The following GNG4 variants were observed in gnomAD, a reference collection of about 807,000 sequenced individuals.
GNG4 encodes the protein guanine nucleotide-binding protein G(I)/G(S)/G(O) subunit gamma-4.
GNG4 carries 4 observed loss-of-function variants against 5.8 expected under a neutral mutation model. The ratio of observed to expected loss-of-function variants is 0.69; its 90% CI spans 0.34 to 1.57. GNG4 has a LOEUF of 1.57. Ranked by LOEUF, GNG4 falls within the 40% of genes most tolerant of loss-of-function variation. GNG4 has a pLI of 0.06. For missense variants in GNG4, 96 were observed against 95.1 expected (o/e 1.01, Z -0.04); for synonymous variants, 29 against 32.9 (o/e 0.88, Z 0.41).
chr1:235,581,401 C>T lies in GNG4; in HGVS notation c.99+2339G>A, dbSNP rs367991154. On this transcript the variant is annotated intron_variant, in intron 3 of 3. Coordinates refer to ENST00000391854, the MANE Select transcript of GNG4 (RefSeq NM_001098722.2). ...AAAATTAGCCGGGCGTGGTGGTGGGCGCCTGTAGTCCCAGCTACTCGGGAG... is the reference window on the plus strand; with the variant it reads ...AAAATTAGCCGGGCGTGGTGGTGGGTGCCTGTAGTCCCAGCTACTCGGGAG... 1.5e-4 allele frequency among the ~76,000 whole-genome samples: 22 copies of T among 151,714 alleles called. No individual in the cohort carries two copies. In the East Asian group the frequency reaches 2.0e-3, roughly 13 times the overall value.
At chr1:235,601,008 A>C (rs571826488) in intron 1 of GNG4, among the ~76,000 whole-genome samples, 1 of 152,368 alleles carries the variant, frequency 6.6e-6, no homozygotes, top group South Asian at 2.1e-4. Flanking sequence ...CTGAGGCTTC[A>C]ACAGAGACTT....
intron 3 of GNG4, among the ~76,000 whole-genome samples, chr1:235,562,591 G>C (rs920948443): frequency 6.9e-6 from 1 of 145,030 alleles, no homozygotes; most frequent in African/African-American, 2.6e-5. Context: ...GTTGCAGAGA[G>C]CCAAGATGGC....
chr1:235,635,733 C>T (rs569928868), intron 1 of GNG4, among the ~76,000 whole-genome samples: 16 of 152,208 alleles, frequency 1.1e-4, no homozygotes, highest in South Asian at 8.3e-4. Context: ...CAGTATCTGT[C>T]GCCACAGAAG....
intron 2 of GNG4, among the ~76,000 whole-genome samples, chr1:235,588,230 T>A (rs71532015): frequency 0.71 from 107,195 of 151,310 alleles, 39,657 homozygotes; most frequent in African/African-American, 0.92. Context: ...TGTTGTGCGC[T>A]GGAGATAAAA....
intron 1 of GNG4, among the ~76,000 whole-genome samples, chr1:235,627,381 C>T (rs906190804): frequency 6.6e-6 from 1 of 152,004 alleles, no homozygotes; most frequent in Non-Finnish European, 1.5e-5. Context: ...CGCCACCATG[C>T]CCAGCTAATT....
intron 1 of GNG4, among the ~76,000 whole-genome samples, chr1:235,618,436 G>A (rs902028172): frequency 5.3e-5 from 8 of 152,166 alleles, no homozygotes; most frequent in Admixed American, 3.9e-4. Flanking sequence ...CAGAACTCTG[G>A]CTTCAAGGAA....
intron 1 of GNG4, among the ~76,000 whole-genome samples, chr1:235,627,230 T>C (rs1688834865): frequency 6.6e-6 from 1 of 151,922 alleles, no homozygotes; most frequent in Non-Finnish European, 1.5e-5. Context: ...TTTGTTTGTT[T>C]TTGTTTTTTT....
chr1:235,632,711 G>T (rs1301625708), intron 1 of GNG4, among the ~76,000 whole-genome samples: 1 of 152,100 alleles, frequency 6.6e-6, no homozygotes, highest in Non-Finnish European at 1.5e-5. Flanking sequence ...TGCCTCAGCT[G>T]GGAACAAAAC....
intron 3 of GNG4, among the ~76,000 whole-genome samples, chr1:235,582,229 T>C (rs958665896): frequency 6.6e-6 from 1 of 152,240 alleles, no homozygotes; most frequent in African/African-American, 2.4e-5. Context: ...CGTCTATTGC[T>C]TACAGGTTGG....
intron 1 of GNG4, among the ~76,000 whole-genome samples, chr1:235,619,126 C>T (rs1289835696): frequency 1.0e-5 from 1 of 99,018 alleles, no homozygotes; most frequent in Non-Finnish European, 1.9e-5. Context: ...ATTGCAAACG[C>T]TGTCTCTAAA....
intron 1 of GNG4, among the ~76,000 whole-genome samples, chr1:235,619,140 A>C (rs1445899645): frequency 7.5e-6 from 1 of 133,710 alleles, no homozygotes; most frequent in East Asian, 2.2e-4. Context: ...CTCTAAAAAA[A>C]AAAAAAAAAA....
chr1:235,619,646 A>C (rs909534499), intron 1 of GNG4, among the ~76,000 whole-genome samples: 2 of 152,186 alleles, frequency 1.3e-5, no homozygotes, highest in African/African-American at 4.8e-5. Context: ...TTAACCAAAA[A>C]CCAATTCCTT....
intron 3 of GNG4, among the ~76,000 whole-genome samples, chr1:235,573,166 T>G: frequency 6.6e-6 from 1 of 152,088 alleles, no homozygotes; most frequent in Non-Finnish European, 1.5e-5. Context: ...GATGAGTTCA[T>G]GTCCTTTGTA....
intron 1 of GNG4, among the ~76,000 whole-genome samples, chr1:235,606,601 G>A (rs772478710): frequency 1.3e-5 from 2 of 152,132 alleles, no homozygotes; most frequent in Non-Finnish European, 2.9e-5. Context: ...AAGAGCAAGT[G>A]GAATGGGGTG....
chr1:235,605,881 G>A (rs1372667679), intron 1 of GNG4, among the ~76,000 whole-genome samples: 3 of 150,626 alleles, frequency 2.0e-5, no homozygotes. Flanking sequence ...GTAGGCAGGT[G>A]TCATCAAATG....
rs891345074 is a variant in GNG4 at position 235,547,700 on chromosome 1, C to A, written c.*4409G>T. The A allele has an allele frequency of 1.3e-5, 2 of 152,066 alleles. No homozygotes were observed. Among genetic ancestry groups the A allele is most frequent in the African/African-American group, 2.4e-5 (1 of 41,396 alleles). 9.4% of individuals were successfully genotyped at this position (152,066 alleles called of 1,614,324 possible). On this transcript the variant is annotated 3_prime_UTR_variant, in exon 4 of 4. Transcript: ENST00000391854. ...GGATTCTTGATTGCTAGTCACAAAG[C>A]CCAACTTTTTATTGAAGTATAACAT...
chr1:235,625,391 A>C (rs1453713652), intron 1 of GNG4, among the ~76,000 whole-genome samples: 1 of 152,216 alleles, frequency 6.6e-6, no homozygotes, highest in African/African-American at 2.4e-5. Flanking sequence ...CCTGCACCAG[A>C]GTGGTCCATT....
intron 2 of GNG4, among the ~76,000 whole-genome samples, chr1:235,585,784 A>G (rs1211664005): frequency 2.0e-5 from 3 of 152,168 alleles, no homozygotes; most frequent in Admixed American, 2.0e-4. Flanking sequence ...ATGCATATTT[A>G]CTTTTGTGAT....
At chr1:235,619,133 T>TAAAA (rs71496930) in intron 1 of GNG4, among the ~76,000 whole-genome samples, 3 of 49,036 alleles carry the variant, frequency 6.1e-5, no homozygotes, top group Non-Finnish European at 7.2e-5. Flanking sequence ...ACGCTGTCTC[T>TAAAA]AAAAAAAAAA....
Sources: allele counts gnomAD v4.1 joint callset (sites outside exome capture counted in the v4.1 genomes callset), GRCh38; gene constraint gnomAD v4.1.1; transcripts MANE v1.5; gene names NCBI Gene and HGNC (gene_info 2026-07-23, HGNC 2026-07-21).